The following IRF6 variants were observed in gnomAD, a reference collection of about 807,000 sequenced individuals.
IRF6 encodes Van der Woude syndrome.
Under a neutral mutation model 51.4 loss-of-function variants are expected in IRF6, and 6 were observed. The observed-to-expected ratio is 0.12, with a 90% CI of 0.06 to 0.23. IRF6 has a LOEUF of 0.23. IRF6 is among the 10% of genes least tolerant of loss of function. The pLI is 1.00. For synonymous variants in IRF6, 178 were observed against 215.7 expected, an observed-to-expected ratio of 0.83 and a Z score of 1.53; for missense variants, 348 against 585.2, an observed-to-expected ratio of 0.59 and a Z score of 4.18.
In IRF6 at chr1:209,792,367, G is replaced by A; in HGVS notation, c.569C>T (p.Ala190Val). The A allele has an allele frequency of 6.2e-7, 1 of 1,614,194 alleles. No individual in the cohort carries two copies. The highest frequency in any genetic ancestry group is 1.3e-5 in the African/African-American group (1 of 75,052). ...CAGGGGTTCAGTTTTGGGCCACACT[G>A]CCTCCGGGCTGCAGTTGCCCACACT... The part of the protein sequence containing the change: ...NCSVGNCSPE[A>V]VWPKTEPLEM... Residue 190 changes from alanine (A) to valine (V), a missense_variant, in exon 6 of 9, where the codon GCA becomes GTA. Ala to Val is a moderately conservative substitution (Grantham distance 64). Coordinates refer to ENST00000367021, the MANE Select transcript of IRF6 (RefSeq NM_006147.4).
rs757558481 is a variant in IRF6, at chr1:209,801,404, G to A, written c.10C>T (p.His4Tyr). MALHPRRVRLKPWL... is the reference protein window; with the variant it reads MALYPRRVRLKPWL... ...GGCTTTAGCCGGACTCTGCGGGGGT[G>A]GAGGGCCATGATCTGGGGGGGTCAG... Residue 4 changes from histidine (H) to tyrosine (Y), a missense_variant, in exon 3 of 9, where the codon CAC becomes TAC. Physicochemically the swap from His to Tyr is moderately conservative, Grantham distance 83. Coordinates refer to ENST00000367021, the MANE Select transcript of IRF6 (RefSeq NM_006147.4). 6.3e-7 allele frequency: 1 copy of A among 1,598,446 alleles called. No individual in the cohort carries two copies. The highest frequency in any genetic ancestry group is 8.5e-7 in the Non-Finnish European group (1 of 1,173,062).
intron 6 of IRF6, 139 bp downstream of exon 6, chr1:209,792,130 C>A (rs2077872277): frequency 3.2e-6 from 3 of 931,118 alleles, no homozygotes; most frequent in Non-Finnish European, 3.3e-6. Flanking sequence ...CATGGGCTAG[C>A]CAGGAAACAG....
chr1:209,797,804 G>A (rs977066929), intron 3 of IRF6, among the ~76,000 whole-genome samples: 7 of 152,158 alleles, frequency 4.6e-5, no homozygotes, highest in Non-Finnish European at 1.0e-4. Flanking sequence ...CTCCCCCATT[G>A]CTAACAAGTT....
chr1:209,796,235 T>C lies in IRF6; in HGVS notation c.379+113A>G, dbSNP rs1031629156. On this transcript the variant is annotated intron_variant, in intron 4 of 8. Coordinates refer to ENST00000367021, the MANE Select transcript of IRF6 (RefSeq NM_006147.4). This position sits in a 1 kb window ranked among gnomAD's most constrained non-coding sequence, Gnocchi z 4.5. ...CCTTCCCAGAGAAAGGCTTTCTTGC[T>C]TTATCCATCTTAAACTGTGTAAATC... 1 of 871,068 alleles carries C rather than the reference T, an allele frequency of 1.1e-6. No homozygotes were observed. The highest frequency in any genetic ancestry group is 1.7e-5 in the African/African-American group (1 of 59,464). 54.0% of individuals were successfully genotyped at this position (871,068 alleles called of 1,614,324 possible). A position where few individuals can be genotyped will look rare whatever the true frequency, so the allele number is the denominator to read the frequency against.
Position 209,796,822 on chromosome 1 carries a change from T to A in IRF6, c.175-270A>T, listed in dbSNP as rs2077904996. Reference sequence around the variant, plus strand: ...ATATATTAAAAGGAGGAACCTTATCTCAAGCACTGGTACCGGCACTCATCA... The same window carrying A: ...ATATATTAAAAGGAGGAACCTTATCACAAGCACTGGTACCGGCACTCATCA... On this transcript the variant is annotated intron_variant, in intron 3 of 8. Coordinates refer to ENST00000367021, the MANE Select transcript of IRF6 (RefSeq NM_006147.4). The surrounding 1 kb of genome is among the most constrained non-coding windows in gnomAD (Gnocchi z 4.5). Among the ~76,000 whole-genome samples the A allele has an allele frequency of 6.6e-6, 1 of 152,164 alleles. No homozygotes were observed. The highest frequency in any genetic ancestry group is 1.5e-5 in the Non-Finnish European group (1 of 68,014).
chr1:209,804,964 CTG>C (rs1558043970), intron 1 of IRF6, among the ~76,000 whole-genome samples: 4 of 152,204 alleles, frequency 2.6e-5, no homozygotes, highest in African/African-American at 9.7e-5. Context: ...TCAGGCTTCC[CTG>C]TTTAGCCCTG....
chr1:209,794,245 G>T (rs1022870298), intron 5 of IRF6, among the ~76,000 whole-genome samples: 7 of 152,088 alleles, frequency 4.6e-5, no homozygotes, highest in Admixed American at 3.3e-4. Context: ...GTTATTTTTT[G>T]ACTTCAATAA....
intron 5 of IRF6, 94 bp from the exon 6 acceptor site, chr1:209,792,521 C>T: frequency 1.5e-6 from 2 of 1,338,620 alleles, no homozygotes; most frequent in Non-Finnish European, 2.1e-6. Context: ...TAGACAAGAA[C>T]CAAACACTGA....
intron 3 of IRF6, among the ~76,000 whole-genome samples, chr1:209,798,089 C>T (rs73091679): frequency 0.018 from 2,736 of 152,336 alleles, 99 homozygotes; most frequent in African/African-American, 0.062. Flanking sequence ...AAAAGCTAAT[C>T]TAAATCCTCC....
At chr1:209,801,183 CAA>C (rs35878470) in intron 3 of IRF6, 55 bp downstream of exon 3, 49,674 of 994,258 alleles carry the variant, frequency 0.05, no homozygotes, top group East Asian at 0.053. Flanking sequence ...TTCCCCATGC[CAA>C]AAAAAAAAAA....
In IRF6 at chr1:209,785,769, G is replaced by A. The variant is rs954029861; in HGVS notation, c.*2651C>T. 3 of 152,178 alleles carry A rather than the reference G, an allele frequency of 2.0e-5. No individual in the cohort carries two copies. The highest frequency in any genetic ancestry group is 2.9e-5 in the Non-Finnish European group (2 of 68,052). The allele number at this position is 152,178 out of a possible 1,614,324, so 9.4% of individuals were successfully genotyped here. A position where few individuals can be genotyped will look rare whatever the true frequency, so the allele number is the denominator to read the frequency against. On this transcript the variant is annotated 3_prime_UTR_variant, in exon 9 of 9. Coordinates refer to ENST00000367021, the MANE Select transcript of IRF6 (RefSeq NM_006147.4). ...AGACACTGTTCTAAGGACTGGCAGCGAAGTCCAAGACAAACAGTCCCTACC... is the reference window on the plus strand; with the variant it reads ...AGACACTGTTCTAAGGACTGGCAGCAAAGTCCAAGACAAACAGTCCCTACC...
At chr1:209,791,792 T>C (rs1455507203) in intron 6 of IRF6, among the ~76,000 whole-genome samples, 2 of 152,174 alleles carry the variant, frequency 1.3e-5, no homozygotes, top group Non-Finnish European at 2.9e-5. Flanking sequence ...GTTTTTGTTG[T>C]TGTTGTTGTT....
chr1:209,792,560 A>G (rs1270000570), intron 5 of IRF6, 133 bp from the exon 6 acceptor site: 3 of 881,376 alleles, frequency 3.4e-6, no homozygotes, highest in East Asian at 2.6e-5. Flanking sequence ...CTTCCAGCCC[A>G]TCAGTGATTC....
At chr1:209,789,812 G>T in intron 7 of IRF6, 27 bp from the exon 8 acceptor site, 2 of 1,468,170 alleles carry the variant, frequency 1.4e-6, no homozygotes, top group Non-Finnish European at 1.9e-6. Context: ...AGCAAGTTTG[G>T]TATACTGGGT....
chr1:209,801,792 G>A (rs2077945103), intron 2 of IRF6, among the ~76,000 whole-genome samples, 180 bp downstream of exon 2: 3 of 152,226 alleles, frequency 2.0e-5, no homozygotes, highest in South Asian at 4.1e-4. Context: ...CTCATCTCAG[G>A]AGAGGGAAGA....
chr1:209,792,406 C>T lies in IRF6; in HGVS notation c.530G>A (p.Ser177Asn). The T allele has an allele frequency of 4.3e-6, 7 of 1,614,198 alleles. No individual in the cohort carries two copies. Among genetic ancestry groups the T allele is most frequent in the Non-Finnish European group, 4.2e-6 (5 of 1,180,038 alleles). The part of the protein sequence containing the change: ...NINGSPMAPA[S>N]VGNCSVGNCS... ...GTTGCCCACACTGCAATTGCCCACA[C>T]TGGCTGGCGCCATGGGAGAACCTAA... Residue 177 changes from serine (S) to asparagine (N), a missense_variant, in exon 6 of 9, where the codon AGT becomes AAT. By Grantham distance (46) the Ser-to-Asn change is conservative. Coordinates refer to ENST00000367021, the MANE Select transcript of IRF6 (RefSeq NM_006147.4).
intron 3 of IRF6, among the ~76,000 whole-genome samples, chr1:209,800,443 G>T (rs1360736013): frequency 6.6e-6 from 1 of 152,112 alleles, no homozygotes; most frequent in Non-Finnish European, 1.5e-5. Context: ...AGTTATAGAT[G>T]GGGCGAAATA....
In IRF6 at chr1:209,788,615, G is replaced by A. The variant is rs774866638; in HGVS notation, c.1209C>T (p.Tyr403=). 31 of 1,613,744 alleles carry A rather than the reference G, an allele frequency of 1.9e-5. No homozygotes were observed. Among genetic ancestry groups the A allele is most frequent in the South Asian group, 8.8e-5 (8 of 91,068 alleles). Residue 403 remains tyrosine (Y), a synonymous_variant, in exon 9 of 9, where the codon TAC becomes TAT. Coordinates refer to ENST00000367021, the MANE Select transcript of IRF6 (RefSeq NM_006147.4). Reference sequence around the variant, plus strand: ...GTGTGAAATCACCAGAAAACATCTCGTAGATCATCCGAGCCACTACTGGAA... The same window carrying A: ...GTGTGAAATCACCAGAAAACATCTCATAGATCATCCGAGCCACTACTGGAA... The part of the protein sequence containing the change: ...QVIPVVARMI[Y]EMFSGDFTRS...
intron 1 of IRF6, among the ~76,000 whole-genome samples, chr1:209,803,952 C>T (rs1571987724): frequency 6.6e-6 from 1 of 152,100 alleles, no homozygotes; most frequent in East Asian, 1.9e-4. Flanking sequence ...TACATGTGCA[C>T]ATACACACAG....
Sources: gnomAD v4.1 joint callset for allele counts (sites outside exome capture counted in the v4.1 genomes callset) on GRCh38, gnomAD v4.1.1 for gene constraint, Gnocchi (gnomAD v3.1) non-coding constraint, MANE v1.5 for transcripts, NCBI Gene and HGNC (gene_info 2026-07-23, HGNC 2026-07-21) for gene names.